The following TRAPPC11 variants were observed in gnomAD, a reference collection of about 807,000 sequenced individuals.
TRAPPC11 encodes the protein trafficking protein particle complex subunit 11.
Under a neutral mutation model 151.2 loss-of-function variants are expected in TRAPPC11, and 104 were observed. That is an observed-to-expected ratio of 0.69 (90% CI 0.59 to 0.81). TRAPPC11 has a LOEUF of 0.81. TRAPPC11 is among the 30% of genes least tolerant of loss of function. TRAPPC11 has a pLI of 0.00. For missense variants in TRAPPC11, 1,230 were observed against 1,349.6 expected, an observed-to-expected ratio of 0.91 and a Z score of 1.39; for synonymous variants, 456 against 472.3, an observed-to-expected ratio of 0.97 and a Z score of 0.45.
intron 25 of TRAPPC11, 72 bp downstream of exon 25, chr4:183,697,907 G>T (rs755540818): frequency 1.4e-6 from 2 of 1,418,596 alleles, no homozygotes; most frequent in Non-Finnish European, 1.9e-6. Flanking sequence ...GTATAAGCTG[G>T]CAATGGAAGA....
rs758810550 is a variant in TRAPPC11 at position 183,697,640 on chromosome 4, G to A, written c.2695-39G>A. On this transcript the variant is annotated intron_variant, in intron 24 of 29. Transcript: ENST00000334690. Reference sequence around the variant, plus strand: ...GGACTGAAATGATAAAATGGATTAAGGTAATTCCTGACAGACCTTTTATCT... The same window carrying A: ...GGACTGAAATGATAAAATGGATTAAAGTAATTCCTGACAGACCTTTTATCT... 15 of 1,611,102 alleles carry A rather than the reference G, an allele frequency of 9.3e-6. No individual in the cohort carries two copies. In the Admixed American group the frequency reaches 2.0e-4, roughly 22 times the overall value.
intron 25 of TRAPPC11, among the ~76,000 whole-genome samples, chr4:183,698,581 G>C (rs1561058112): frequency 6.6e-6 from 1 of 152,230 alleles, no homozygotes; most frequent in East Asian, 1.9e-4. Flanking sequence ...TAGAGTCAAA[G>C]AGGATGATGT....
intron 25 of TRAPPC11, among the ~76,000 whole-genome samples, chr4:183,698,394 T>C (rs1736650062): frequency 6.6e-6 from 1 of 152,126 alleles, no homozygotes; most frequent in Admixed American, 6.5e-5. Flanking sequence ...TTCTCTTGTG[T>C]GTTTGGAAAT....
chr4:183,665,852 T>C (rs941843226), intron 2 of TRAPPC11, among the ~76,000 whole-genome samples: 11 of 152,150 alleles, frequency 7.2e-5, no homozygotes, highest in Admixed American at 1.3e-4. Flanking sequence ...TTAGATAATA[T>C]TTTATTTGAG....
chr4:183,686,562 G>T, intron 17 of TRAPPC11, 56 bp from the exon 18 acceptor site: 1 of 1,592,466 alleles, frequency 6.3e-7, no homozygotes, highest in Non-Finnish European at 8.6e-7. Context: ...AACAGGATGT[G>T]TGTGGGTCGT....
intron 2 of TRAPPC11, among the ~76,000 whole-genome samples, chr4:183,664,938 A>G (rs1224846791): frequency 6.6e-6 from 1 of 152,060 alleles, no homozygotes; most frequent in Non-Finnish European, 1.5e-5. Context: ...TTCTGGGAAT[A>G]TAGGACTTGG....
At chr4:183,666,483 A>G in intron 3 of TRAPPC11, 57 bp downstream of exon 3, 1 of 1,551,382 alleles carries the variant, frequency 6.4e-7, no homozygotes, top group Non-Finnish European at 8.7e-7. Context: ...GTTATTCACT[A>G]ACATTCCTTG....
chr4:183,697,891 G>C, intron 25 of TRAPPC11, 56 bp downstream of exon 25: 1 of 1,526,040 alleles, frequency 6.6e-7, no homozygotes. Context: ...GCGTGTGTGT[G>C]TGTGTGTATA....
chr4:183,674,633 C>T (rs903820370), intron 5 of TRAPPC11, 80 bp from the exon 6 acceptor site: 3 of 710,572 alleles, frequency 4.2e-6, no homozygotes, highest in Admixed American at 5.8e-5. Flanking sequence ...ATTTTACTTT[C>T]AGGTCTCACA....
At chr4:183,710,808 C>T (rs1336748873) in intron 29 of TRAPPC11, among the ~76,000 whole-genome samples, 1 of 151,600 alleles carries the variant, frequency 6.6e-6, no homozygotes, top group Admixed American at 6.6e-5. Flanking sequence ...GCTGGTGGAT[C>T]ACCTGAGGTC....
At chr4:183,677,105 C>G (rs189599434) in intron 7 of TRAPPC11, among the ~76,000 whole-genome samples, 6 of 152,150 alleles carry the variant, frequency 3.9e-5, no homozygotes, top group Non-Finnish European at 7.3e-5. Flanking sequence ...AATAAAATTT[C>G]TATTTGTTTG....
chr4:183,677,706 A>G, intron 8 of TRAPPC11, 152 bp downstream of exon 8: 1 of 593,464 alleles, frequency 1.7e-6, no homozygotes, highest in Admixed American at 3.0e-5. Context: ...TCAGAAGGGC[A>G]TCGATTCTTA....
At chr4:183,661,040 A>G (rs1381187730) in intron 1 of TRAPPC11, among the ~76,000 whole-genome samples, 1 of 152,010 alleles carries the variant, frequency 6.6e-6, no homozygotes, top group Non-Finnish European at 1.5e-5. Flanking sequence ...TTTCATTCCT[A>G]CATTACCCAG....
chr4:183,697,618 C>G, intron 24 of TRAPPC11, 50 bp downstream of exon 24: 1 of 1,606,280 alleles, frequency 6.2e-7, no homozygotes, highest in Non-Finnish European at 8.5e-7. Flanking sequence ...TAAAAATGGA[C>G]TGAAATGATA....
At chr4:183,670,991 A>G (rs1231921349) in intron 5 of TRAPPC11, among the ~76,000 whole-genome samples, 2 of 151,762 alleles carry the variant, frequency 1.3e-5, no homozygotes, top group Admixed American at 6.6e-5. Flanking sequence ...CAGCCTCCCA[A>G]AGTGCTGGGA....
At chr4:183,682,289 A>C (rs554746182) in intron 10 of TRAPPC11, among the ~76,000 whole-genome samples, 1 of 152,360 alleles carries the variant, frequency 6.6e-6, no homozygotes, top group East Asian at 1.9e-4. Flanking sequence ...TAAATCTGTC[A>C]GTTCTGGTGC....
intron 1 of TRAPPC11, among the ~76,000 whole-genome samples, chr4:183,663,346 G>C (rs1457833774): frequency 1.3e-5 from 2 of 152,188 alleles, no homozygotes; most frequent in African/African-American, 4.8e-5. Flanking sequence ...CCATTCTCCT[G>C]CCTCAGCCTC....
intron 19 of TRAPPC11, among the ~76,000 whole-genome samples, chr4:183,692,519 A>G (rs978635018): frequency 1.3e-5 from 2 of 152,220 alleles, no homozygotes; most frequent in Non-Finnish European, 2.9e-5. Flanking sequence ...TGAATAGATC[A>G]TGTATTCAAT....
Position 183,701,750 on chromosome 4 carries a change from T to A in TRAPPC11, c.2905T>A (p.Ser969Thr), listed in dbSNP as rs879058025. ...ASECFCLQCPSLGNIEGGVAT... is the reference protein window; with the variant it reads ...ASECFCLQCPTLGNIEGGVAT... ...TGAATGCTTTTGTCTTCAATGCCCA[T>A]CTCTTGGAAATATTGAAGGTGGAGT... Residue 969 changes from serine to threonine, a missense_variant, in exon 26 of 30, where the codon TCT becomes ACT. Ser to Thr is a moderately conservative substitution (Grantham distance 58, BLOSUM62 1). Transcript: ENST00000334690. 1.2e-6 allele frequency: 2 copies of A among 1,614,032 alleles called. No individual in the cohort carries two copies. The highest frequency in any genetic ancestry group is 2.2e-5 in the South Asian group (2 of 91,088).
Sources: allele counts gnomAD v4.1 joint callset (sites outside exome capture counted in the v4.1 genomes callset), GRCh38; gene constraint gnomAD v4.1.1; transcripts MANE v1.5; gene names NCBI Gene and HGNC (gene_info 2026-07-23, HGNC 2026-07-21).